Variants in FCHSD2 observed in about 807,000 individuals in gnomAD.
FCHSD2 encodes the protein FCH and double SH3 domains 2.
A neutral mutation model predicts 108.1 loss-of-function variants in FCHSD2; 38 were observed. The observed-to-expected ratio is 0.35, with a 90% CI of 0.27 to 0.46. The LOEUF is 0.46. Among genes scored for constraint, FCHSD2 ranks in the 20% least tolerant of loss-of-function variants. The pLI is 1.00. For synonymous variants in FCHSD2, 279 were observed against 314.7 expected, an observed-to-expected ratio of 0.89 and a Z score of 1.20; for missense variants, 751 against 897.8, an observed-to-expected ratio of 0.84 and a Z score of 2.09.
intron 5 of FCHSD2, 93 bp from the exon 6 acceptor site, chr11:72,989,190 A>G: frequency 1.0e-6 from 1 of 966,314 alleles, no homozygotes; most frequent in African/African-American, 1.6e-5. Context: ...TGCCTTCAGG[A>G]TGGAAATCCA....
At chr11:72,887,427 T>G (rs778311144) in intron 12 of FCHSD2, 43 bp downstream of exon 12, 1 of 1,209,072 alleles carries the variant, frequency 8.3e-7, no homozygotes, top group Admixed American at 1.9e-5. Context: ...TGTGACAGTG[T>G]CATTAGACCT....
intron 2 of FCHSD2, among the ~76,000 whole-genome samples, chr11:73,132,144 G>T (rs1861018570): frequency 6.6e-6 from 1 of 152,176 alleles, no homozygotes; most frequent in African/African-American, 2.4e-5. Context: ...GCCTAAAAGA[G>T]CCATAAGATG....
At chr11:72,931,843 C>A (rs1416146642) in intron 8 of FCHSD2, among the ~76,000 whole-genome samples, 4 of 152,240 alleles carry the variant, frequency 2.6e-5, no homozygotes, top group Admixed American at 2.6e-4. Flanking sequence ...CACAGACAGA[C>A]AAGATCAGGG....
At chr11:73,040,893 C>G (rs1029194934) in intron 3 of FCHSD2, among the ~76,000 whole-genome samples, 14 of 152,132 alleles carry the variant, frequency 9.2e-5, no homozygotes, top group East Asian at 3.9e-4. Context: ...CTGCTCCCCC[C>G]CCTCTTTGGT....
chr11:73,141,821 T>C (rs1206497535), intron 1 of FCHSD2, 36 bp downstream of exon 1: 2 of 1,538,626 alleles, frequency 1.3e-6, no homozygotes. Context: ...CGTACGCATC[T>C]CTCCGAACCC....
chr11:72,951,515 G>A (rs1856620058), intron 8 of FCHSD2, among the ~76,000 whole-genome samples: 1 of 152,162 alleles, frequency 6.6e-6, no homozygotes, highest in South Asian at 2.1e-4. Context: ...TTGCTCTGGT[G>A]TTATTATTAC....
chr11:73,043,782 T>C (rs1190436044), intron 3 of FCHSD2, among the ~76,000 whole-genome samples: 2 of 152,182 alleles, frequency 1.3e-5, no homozygotes, highest in Non-Finnish European at 2.9e-5. Flanking sequence ...AACCTCCACG[T>C]ACCATCTTTT....
intron 9 of FCHSD2, among the ~76,000 whole-genome samples, chr11:72,914,315 G>C (rs188478537): frequency 6.6e-6 from 1 of 152,046 alleles, no homozygotes; most frequent in Non-Finnish European, 1.5e-5. Flanking sequence ...TGCCCAGCCT[G>C]CCCTAAGCAA....
At chr11:73,129,595 A>C (rs1860945635) in intron 2 of FCHSD2, among the ~76,000 whole-genome samples, 1 of 152,168 alleles carries the variant, frequency 6.6e-6, no homozygotes, top group Non-Finnish European at 1.5e-5. Context: ...TTGCAGAAAA[A>C]CAAGCTCAGC....
chr11:72,975,914 G>C (rs1285520237), intron 8 of FCHSD2, among the ~76,000 whole-genome samples: 1 of 152,054 alleles, frequency 6.6e-6, no homozygotes, highest in Non-Finnish European at 1.5e-5. Context: ...TTTCTACTAT[G>C]ACACACTGTA....
chr11:73,110,642 T>C (rs1427232837), intron 2 of FCHSD2, among the ~76,000 whole-genome samples: 1 of 152,182 alleles, frequency 6.6e-6, no homozygotes, highest in Non-Finnish European at 1.5e-5. Context: ...GTTGGTCTTT[T>C]GTATTGTTTT....
chr11:72,975,676 A>G (rs1565349877), intron 8 of FCHSD2, among the ~76,000 whole-genome samples: 1 of 152,204 alleles, frequency 6.6e-6, no homozygotes. Flanking sequence ...TTTGTATATT[A>G]ATGTTTTTCT....
chr11:72,870,840 C>T (rs1312809204), intron 12 of FCHSD2, among the ~76,000 whole-genome samples: 1 of 127,788 alleles, frequency 7.8e-6, no homozygotes, highest in East Asian at 2.4e-4. Flanking sequence ...GCGGAGCTTT[C>T]AGTGAGCCGA....
intron 10 of FCHSD2, among the ~76,000 whole-genome samples, chr11:72,896,423 G>A (rs1855418776): frequency 6.6e-6 from 1 of 152,208 alleles, no homozygotes; most frequent in African/African-American, 2.4e-5. Context: ...CACAGGATGT[G>A]AGAAAATGCC....
chr11:72,903,191 TTATTTATTTATTTATA>T (rs1439342794), intron 9 of FCHSD2, among the ~76,000 whole-genome samples: 156 of 9,618 alleles, frequency 0.016, no homozygotes, highest in South Asian at 0.07. Flanking sequence ...AGGAATTTAT[TTATTTATTTATTTATA>T]TATTTATTTA....
intron 3 of FCHSD2, chr11:73,077,671 C>G (rs894269394): frequency 1.6e-4 from 66 of 417,224 alleles, no homozygotes; most frequent in African/African-American, 1.3e-3. Context: ...CAATGGAATA[C>G]TACACAGCAA....
At chr11:73,134,995 A>C (rs1309278963) in intron 2 of FCHSD2, among the ~76,000 whole-genome samples, 1 of 152,042 alleles carries the variant, frequency 6.6e-6, no homozygotes, top group Non-Finnish European at 1.5e-5. Context: ...CTAGGATTAT[A>C]GGTGTGCGCC....
At chr11:72,902,455 T>C (rs1855545400) in intron 10 of FCHSD2, 88 bp downstream of exon 10, 1 of 809,864 alleles carries the variant, frequency 1.2e-6, no homozygotes, top group Admixed American at 2.7e-5. Context: ...TACTCAGCTT[T>C]TTCTGTCTGT....
intron 13 of FCHSD2, among the ~76,000 whole-genome samples, chr11:72,853,061 G>T (rs573819613): frequency 3.9e-5 from 6 of 152,258 alleles, no homozygotes; most frequent in African/African-American, 9.6e-5. Context: ...TACCTGGGTA[G>T]TGAAACAATT....
Sources: gnomAD v4.1 joint callset for allele counts (sites outside exome capture counted in the v4.1 genomes callset) on GRCh38, gnomAD v4.1.1 for gene constraint, MANE v1.5 for transcripts, NCBI Gene and HGNC (gene_info 2026-07-23, HGNC 2026-07-21) for gene names.